PUDP: variants seen among roughly 807,000 people sequenced by gnomAD.
PUDP encodes pseudouridine 5'-phosphatase.
In PUDP, 8 loss-of-function variants were observed where a neutral mutation model predicts 9.4. That is an observed-to-expected ratio of 0.85 (90% CI 0.50 to 1.53). The LOEUF is 1.53. Among genes scored for constraint, PUDP ranks in the 40% most tolerant of loss-of-function variants. The pLI is 0.00. For synonymous variants in PUDP, 99 were observed against 80.7 expected (o/e 1.23, Z -1.22); for missense variants, 188 against 189.7 (o/e 0.99, Z 0.05).
intron 3 of PUDP, among the ~76,000 whole-genome samples, chrX:6,820,337 CCT>C (rs1181167546): frequency 2.7e-5 from 3 of 110,510 alleles, no homozygotes; most frequent in Non-Finnish European, 5.7e-5. Context: ...TCATCCTGCC[CCT>C]GACTCCTCCA....
chrX:6,877,470 G>GACCAT (rs1010711813), intron 3 of PUDP, among the ~76,000 whole-genome samples: 4 of 111,640 alleles, frequency 3.6e-5, no homozygotes, highest in African/African-American at 1.3e-4. Context: ...GGCAAAGGAG[G>GACCAT]ACCATAACGT....
At position 7,050,368 on chromosome X, in the gene PUDP, T is replaced by C. The variant is rs1930064038; in HGVS notation, c.615A>G (p.Thr205=). 8.3e-7 allele frequency: 1 copy of C among 1,211,394 alleles called. No individual in the cohort carries two copies. Among genetic ancestry groups the C allele is most frequent in the Admixed American group, 2.2e-5 (1 of 46,038 alleles). ...PDGNLSRDLT[T]KATLVLNSLQ... The stretch of plus-strand genomic sequence containing the variant: ...GGGAATTCAGCACCAGGGTGGCCTT[T>C]GTTGTCAGATCTCGGCTCAAGTTTC... Residue 205 remains threonine (T), a synonymous_variant, in exon 4 of 4, where the codon ACA becomes ACG. Transcript: ENST00000381077.
At chrX:6,900,002 C>T (rs12396707) in intron 3 of PUDP, among the ~76,000 whole-genome samples, 1,458 of 111,021 alleles carry the variant, frequency 0.013, 26 homozygotes, top group African/African-American at 0.045. Context: ...CACTTGAGGC[C>T]AGGAGTTCAA....
chrX:7,031,107 C>T lies in PUDP; in HGVS notation c.204+46113G>A, dbSNP rs752995294. ...TAGTAGTGAGGATGACTAGAGGTCA[C>T]TCTTGTTGTCATCTTGGTTTTGGTG... On this transcript the variant is annotated intron_variant and NMD_transcript_variant, in intron 1 of 3. Transcript: ENST00000655425. 3.6e-5 allele frequency among the ~76,000 whole-genome samples: 4 copies of T among 111,259 alleles called. No homozygotes were observed. The South Asian group carries it at 1.6e-3, about 43-fold the overall frequency.
chrX:6,837,425 T>C (rs1331805687), intron 3 of PUDP, among the ~76,000 whole-genome samples: 1 of 113,079 alleles, frequency 8.8e-6, no homozygotes, highest in East Asian at 2.8e-4. Context: ...TCTCTCCTGA[T>C]GTCAGGTGAC....
intron 3 of PUDP, among the ~76,000 whole-genome samples, chrX:6,855,652 G>A (rs1220527168): frequency 8.9e-6 from 1 of 112,052 alleles, no homozygotes; most frequent in Non-Finnish European, 1.9e-5. Flanking sequence ...GGGAACAATT[G>A]TTTTGAAAGA....
At chrX:6,964,020 T>C (rs953473136) in intron 3 of PUDP, among the ~76,000 whole-genome samples, 1 of 112,132 alleles carries the variant, frequency 8.9e-6, no homozygotes, top group Admixed American at 9.5e-5. Flanking sequence ...GTGGCTTGCA[T>C]TAGCACGCCT....
intron 1 of PUDP, among the ~76,000 whole-genome samples, chrX:7,135,405 C>T (rs952544550): frequency 2.7e-5 from 3 of 112,111 alleles, no homozygotes; most frequent in Admixed American, 9.5e-5. Flanking sequence ...CAACAAAAGA[C>T]AATTTTCCTG....
chrX:6,845,975 C>A (rs2146720325), intron 3 of PUDP, among the ~76,000 whole-genome samples: 1 of 111,736 alleles, frequency 8.9e-6, no homozygotes, highest in East Asian at 2.8e-4. Context: ...AAAATATGTA[C>A]AGCACTTCAA....
At chrX:6,811,773 T>C (rs1926148342) in intron 3 of PUDP, among the ~76,000 whole-genome samples, 1 of 112,272 alleles carries the variant, frequency 8.9e-6, no homozygotes, top group Admixed American at 9.4e-5. Flanking sequence ...TAAGCCATGA[T>C]ACCTGGCCTG....
intron 3 of PUDP, among the ~76,000 whole-genome samples, chrX:6,785,930 T>C (rs950042016): frequency 2.7e-5 from 3 of 111,633 alleles, no homozygotes; most frequent in South Asian, 7.6e-4. Context: ...TCCACTTGCA[T>C]TGAGGTCCTG....
intron 3 of PUDP, among the ~76,000 whole-genome samples, chrX:6,742,908 G>A (rs185773233): frequency 1.8e-5 from 2 of 112,369 alleles, no homozygotes; most frequent in Non-Finnish European, 1.9e-5. Context: ...CATAGCTTCC[G>A]CTCAGGTTAC....
intron 3 of PUDP, among the ~76,000 whole-genome samples, chrX:6,900,699 T>C (rs949798820): frequency 1.8e-5 from 2 of 108,650 alleles, no homozygotes; most frequent in Non-Finnish European, 3.8e-5. Context: ...AAGGACTCTG[T>C]ACTTTCTTTT....
chrX:6,926,758 A>G (rs1474255052), intron 3 of PUDP, among the ~76,000 whole-genome samples: 1 of 111,158 alleles, frequency 9.0e-6, no homozygotes, highest in Non-Finnish European at 1.9e-5. Context: ...ATGAGCTCAC[A>G]TTACCACTTA....
chrX:6,772,192 G>A (rs926725599), intron 3 of PUDP, among the ~76,000 whole-genome samples: 5 of 112,116 alleles, frequency 4.5e-5, no homozygotes, highest in South Asian at 3.7e-4. Context: ...ATTTGCTTGT[G>A]AATCACTTGT....
At chrX:6,729,854 T>C (rs780866521) in intron 3 of PUDP, among the ~76,000 whole-genome samples, 1 of 110,793 alleles carries the variant, frequency 9.0e-6, no homozygotes, top group Admixed American at 9.6e-5. Flanking sequence ...CCACCTTATC[T>C]AAAGAAAGTT....
intron 1 of PUDP, among the ~76,000 whole-genome samples, chrX:7,035,893 T>C (rs12559617): frequency 0.25 from 27,859 of 110,895 alleles, 2,734 homozygotes; most frequent in Admixed American, 0.41. Flanking sequence ...ATCCCTCCCA[T>C]TGAATAGATT....
chrX:6,839,466 T>C (rs1264310863), intron 3 of PUDP, among the ~76,000 whole-genome samples: 4 of 111,789 alleles, frequency 3.6e-5, no homozygotes. Context: ...AAAATGTCCC[T>C]GAGCACCACC....
At chrX:6,979,112 G>A (rs1023465114) in intron 1 of PUDP, among the ~76,000 whole-genome samples, 1 of 112,049 alleles carries the variant, frequency 8.9e-6, no homozygotes, top group Admixed American at 9.5e-5. Context: ...ATGTTATCAT[G>A]CATAAAATGT....
Sources: allele counts gnomAD v4.1 joint callset (sites outside exome capture counted in the v4.1 genomes callset), GRCh38; gene constraint gnomAD v4.1.1; transcripts MANE v1.5; gene names NCBI Gene and HGNC (gene_info 2026-07-23, HGNC 2026-07-21).